The following IL1RAPL1 variants were observed in gnomAD, a reference collection of about 807,000 sequenced individuals.
The protein encoded by IL1RAPL1 is interleukin-1 receptor accessory protein-like 1.
Under a neutral mutation model 48.4 loss-of-function variants are expected in IL1RAPL1, and 3 were observed. The observed-to-expected ratio is 0.06, with a 90% CI of 0.03 to 0.16. The LOEUF is 0.16. Ranked by LOEUF, IL1RAPL1 falls within the 10% of genes least tolerant of loss-of-function variation. The pLI, the probability that IL1RAPL1 is intolerant of heterozygous loss-of-function variation, is 1.00. For synonymous variants in IL1RAPL1, 185 were observed against 187.7 expected (o/e 0.99, Z 0.12); for missense variants, 349 against 530.6 (o/e 0.66, Z 3.36).
At chrX:29,560,953 G>T (rs755717017) in intron 5 of IL1RAPL1, among the ~76,000 whole-genome samples, 1 of 111,579 alleles carries the variant, frequency 9.0e-6, no homozygotes, top group East Asian at 2.8e-4. Flanking sequence ...TTGCATTGCT[G>T]CCCTCACATG....
At chrX:29,332,709 G>A (rs1465032690) in intron 3 of IL1RAPL1, among the ~76,000 whole-genome samples, 1 of 106,935 alleles carries the variant, frequency 9.4e-6, no homozygotes, top group African/African-American at 3.4e-5. Context: ...GGATTTGGCA[G>A]GGTCATAGGA....
At chrX:28,802,636 G>A (rs1936689197) in intron 2 of IL1RAPL1, among the ~76,000 whole-genome samples, 1 of 112,032 alleles carries the variant, frequency 8.9e-6, no homozygotes, top group African/African-American at 3.2e-5. Context: ...CAAATATTAT[G>A]TTGTAAATAG....
intron 2 of IL1RAPL1, among the ~76,000 whole-genome samples, chrX:29,215,708 C>A (rs1930854511): frequency 9.0e-6 from 1 of 111,589 alleles, no homozygotes; most frequent in Non-Finnish European, 1.9e-5. Context: ...ACCATGATTT[C>A]TTGAGGCTAT....
intron 1 of IL1RAPL1, among the ~76,000 whole-genome samples, chrX:28,720,729 T>C (rs896720612): frequency 8.8e-4 from 98 of 111,622 alleles, no homozygotes; most frequent in African/African-American, 3.1e-3. Flanking sequence ...TAGGTATATC[T>C]CCTAATGCTT....
chrX:29,789,595 T>G (rs1476449214), intron 6 of IL1RAPL1, among the ~76,000 whole-genome samples: 1 of 111,587 alleles, frequency 9.0e-6, no homozygotes, highest in Non-Finnish European at 1.9e-5. Context: ...GTTTGTTTTT[T>G]TTCTGGCAAG....
At chrX:29,730,366 G>C (rs1969973040) in intron 6 of IL1RAPL1, among the ~76,000 whole-genome samples, 1 of 112,080 alleles carries the variant, frequency 8.9e-6, no homozygotes, top group Admixed American at 9.5e-5. Context: ...CCTTCTTGCT[G>C]TGTCTTCTCT....
In IL1RAPL1 at chrX:29,956,005, T is replaced by C; in HGVS notation, c.*185T>C. ...TTGTAGCATCAGTGTCCTCCTGTTT[T>C]ACCATGTCTTTTACCATTACATTTT... is the stretch of plus-strand genomic sequence containing the variant. On this transcript the variant is annotated 3_prime_UTR_variant, in exon 11 of 11. Transcript: ENST00000378993. The C allele has an allele frequency of 1.5e-5, 7 of 454,274 alleles. No individual in the cohort carries two copies. The South Asian group carries it at 2.4e-4, about 16-fold the overall frequency. The allele number at this position is 454,274 out of a possible 1,213,427, so 37.4% of individuals were successfully genotyped here.
intron 6 of IL1RAPL1, among the ~76,000 whole-genome samples, chrX:29,738,450 C>CTTTTTTTTTTTTTTT (rs59952038): frequency 1.2e-5 from 1 of 86,164 alleles, no homozygotes. Context: ...CTTTTCTTTT[C>CTTTTTTTTTTTTTTT]TTTTTTTTTT....
At chrX:29,628,024 T>C (rs1231765381) in intron 5 of IL1RAPL1, among the ~76,000 whole-genome samples, 1 of 112,408 alleles carries the variant, frequency 8.9e-6, no homozygotes, top group Non-Finnish European at 1.9e-5. Flanking sequence ...GCCATGGCAA[T>C]GCTTATCTGT....
intron 1 of IL1RAPL1, among the ~76,000 whole-genome samples, chrX:28,621,537 A>G (rs1934285225): frequency 9.0e-6 from 1 of 111,608 alleles, no homozygotes; most frequent in Admixed American, 9.6e-5. Flanking sequence ...GTATTATGCT[A>G]CCTTGGAGAC....
At chrX:29,876,930 C>G (rs1044832938) in intron 6 of IL1RAPL1, among the ~76,000 whole-genome samples, 1 of 111,934 alleles carries the variant, frequency 8.9e-6, no homozygotes, top group Non-Finnish European at 1.9e-5. Context: ...ACCTGCTCCA[C>G]GCGCCTCAGA....
intron 6 of IL1RAPL1, among the ~76,000 whole-genome samples, chrX:29,789,429 A>T (rs757726499): frequency 4.5e-5 from 5 of 111,355 alleles, no homozygotes; most frequent in African/African-American, 1.6e-4. Flanking sequence ...TCAGCCAAAA[A>T]ATCTATATTA....
At chrX:28,913,039 G>A (rs1367168416) in intron 2 of IL1RAPL1, among the ~76,000 whole-genome samples, 1 of 111,222 alleles carries the variant, frequency 9.0e-6, no homozygotes, top group Non-Finnish European at 1.9e-5. Flanking sequence ...TAACACCCTT[G>A]AAAACAGCTG....
intron 5 of IL1RAPL1, among the ~76,000 whole-genome samples, chrX:29,451,393 C>T (rs1934678275): frequency 9.1e-6 from 1 of 109,909 alleles, no homozygotes; most frequent in South Asian, 3.9e-4. Flanking sequence ...CGGGGTTTCG[C>T]CATGTTGGAC....
At chrX:28,705,735 C>T (rs1935367725) in intron 1 of IL1RAPL1, among the ~76,000 whole-genome samples, 1 of 111,738 alleles carries the variant, frequency 8.9e-6, no homozygotes, top group African/African-American at 3.3e-5. Flanking sequence ...TTTCTAGAAA[C>T]CGGTATTTAT....
chrX:29,622,052 A>G (rs1924478414), intron 5 of IL1RAPL1, among the ~76,000 whole-genome samples: 1 of 112,106 alleles, frequency 8.9e-6, no homozygotes, highest in Non-Finnish European at 1.9e-5. Flanking sequence ...TAACATATTG[A>G]CCTTCAGTTC....
intron 2 of IL1RAPL1, among the ~76,000 whole-genome samples, chrX:29,215,306 G>A (rs1484786414): frequency 1.9e-5 from 2 of 107,051 alleles, no homozygotes; most frequent in Non-Finnish European, 3.8e-5. Context: ...TGGCACCGTT[G>A]CATTCCAGCC....
chrX:29,514,986 A>G (rs1602273669), intron 5 of IL1RAPL1, among the ~76,000 whole-genome samples: 1 of 112,153 alleles, frequency 8.9e-6, no homozygotes, highest in African/African-American at 3.2e-5. Flanking sequence ...AGTGTAGTGG[A>G]AGGTGTCACC....
chrX:28,660,158 C>T (rs545517646), intron 1 of IL1RAPL1, among the ~76,000 whole-genome samples: 3 of 98,652 alleles, frequency 3.0e-5, no homozygotes, highest in African/African-American at 1.1e-4. Flanking sequence ...ACTGGGTTGC[C>T]ATTAAACTTA....
Sources: gnomAD v4.1 joint callset for allele counts (sites outside exome capture counted in the v4.1 genomes callset) on GRCh38, gnomAD v4.1.1 for gene constraint, MANE v1.5 for transcripts, NCBI Gene and HGNC (gene_info 2026-07-23, HGNC 2026-07-21) for gene names.